The following PPP2R2B variants were observed in gnomAD, a reference collection of about 807,000 sequenced individuals.
The protein encoded by PPP2R2B is serine/threonine-protein phosphatase 2A 55 kDa regulatory subunit B beta isoform.
Under a neutral mutation model 46.0 loss-of-function variants are expected in PPP2R2B, and 5 were observed. That is an observed-to-expected ratio of 0.11 (90% CI 0.06 to 0.23). The LOEUF (loss-of-function observed/expected upper bound fraction) is 0.23. Ranked by LOEUF, PPP2R2B falls within the 10% of genes least tolerant of loss-of-function variation. The pLI, the probability that PPP2R2B is intolerant of heterozygous loss-of-function variation, is 1.00. For missense variants in PPP2R2B, 367 were observed against 575.0 expected, an observed-to-expected ratio of 0.64 and a Z score of 3.70; for synonymous variants, 215 against 206.7, an observed-to-expected ratio of 1.04 and a Z score of -0.34.
chr5:146,857,122 T>C (rs1314677430), intron 2 of PPP2R2B, among the ~76,000 whole-genome samples: 1 of 152,124 alleles, frequency 6.6e-6, no homozygotes, highest in African/African-American at 2.4e-5. Context: ...TAGGGTTTTA[T>C]GGTGCAGGGC....
chr5:146,955,074 T>G (rs192552552), intron 1 of PPP2R2B, among the ~76,000 whole-genome samples: 186 of 152,276 alleles, frequency 1.2e-3, no homozygotes, highest in African/African-American at 4.3e-3. Flanking sequence ...GGTTGAATTA[T>G]TTGGCCATTA....
At chr5:146,795,071 G>A (rs1366107388) in intron 2 of PPP2R2B, among the ~76,000 whole-genome samples, 1 of 152,010 alleles carries the variant, frequency 6.6e-6, no homozygotes, top group Non-Finnish European at 1.5e-5. Context: ...AAGAAAATGG[G>A]TTCTTAGTTG....
chr5:146,696,342 G>C (rs1779183030), intron 4 of PPP2R2B, among the ~76,000 whole-genome samples: 1 of 152,174 alleles, frequency 6.6e-6, no homozygotes, highest in Admixed American at 6.5e-5. Context: ...CTGACCTCAT[G>C]ATCTGCCCGC....
rs541816774 is a variant in PPP2R2B, at chr5:146,720,226, C to T, written c.71-19084G>A. On this transcript the variant is annotated intron_variant, in intron 2 of 9. Coordinates refer to ENST00000394411, the MANE Select transcript of PPP2R2B (RefSeq NM_181675.4). ...AGGTCATTTGTCAGCACTGCAAGTGCAAGTATGGAATGAAAAAACAGTCAA... is the reference window on the plus strand; with the variant it reads ...AGGTCATTTGTCAGCACTGCAAGTGTAAGTATGGAATGAAAAAACAGTCAA... Among the ~76,000 whole-genome samples, 10 of 152,272 alleles carry T rather than the reference C, an allele frequency of 6.6e-5. No homozygotes were observed. In the East Asian group the frequency reaches 1.9e-3, roughly 29 times the overall value.
rs73322118 is a variant in PPP2R2B, at chr5:146,762,225, A to G, written c.71-61083T>C. 9.3e-3 allele frequency among the ~76,000 whole-genome samples: 1,411 copies of G among 152,352 alleles called. 23 individuals are homozygous for G. The highest frequency in any genetic ancestry group is 0.032 in the African/African-American group (1,345 of 41,578). Reference sequence around the variant, plus strand: ...AAAAGAACAGTTTACTGCAGAATATAGAATAATCTTTCATAGATTTTAGGA... The same window carrying G: ...AAAAGAACAGTTTACTGCAGAATATGGAATAATCTTTCATAGATTTTAGGA... On this transcript the variant is annotated intron_variant, in intron 2 of 9. Transcript: ENST00000394411.
At chr5:146,676,508 T>C (rs1292608694) in intron 5 of PPP2R2B, among the ~76,000 whole-genome samples, 1 of 152,182 alleles carries the variant, frequency 6.6e-6, no homozygotes, top group Non-Finnish European at 1.5e-5. Context: ...TAGAACATTC[T>C]TTCTGCTCCT....
At chr5:146,821,490 C>T (rs1758259234) in intron 2 of PPP2R2B, among the ~76,000 whole-genome samples, 1 of 152,178 alleles carries the variant, frequency 6.6e-6, no homozygotes, top group South Asian at 2.1e-4. Context: ...TCACAATGTA[C>T]TAAGGTTTGC....
At chr5:146,874,083 T>C (rs1481455646) in intron 2 of PPP2R2B, among the ~76,000 whole-genome samples, 3 of 152,364 alleles carry the variant, frequency 2.0e-5, no homozygotes, top group Middle Eastern at 3.4e-3. Flanking sequence ...GTCCTTGAAC[T>C]CCCGATCTAA....
At chr5:147,075,010 C>A (rs1185094268) in intron 2 of PPP2R2B, among the ~76,000 whole-genome samples, 1 of 152,116 alleles carries the variant, frequency 6.6e-6, no homozygotes, top group South Asian at 2.1e-4. Context: ...AAACAAAGCA[C>A]CCTAGAATTG....
intron 1 of PPP2R2B, among the ~76,000 whole-genome samples, chr5:146,991,429 C>A (rs972376004): frequency 6.6e-6 from 1 of 151,870 alleles, no homozygotes; most frequent in Non-Finnish European, 1.5e-5. Flanking sequence ...GGATGGGAGG[C>A]GGGAGAGGAG....
At chr5:146,716,829 C>G (rs752987629) in intron 2 of PPP2R2B, among the ~76,000 whole-genome samples, 4 of 152,190 alleles carry the variant, frequency 2.6e-5, no homozygotes, top group Non-Finnish European at 5.9e-5. Context: ...AGGCATGACT[C>G]ATTTCTATTG....
intron 5 of PPP2R2B, among the ~76,000 whole-genome samples, chr5:146,689,078 T>A (rs558154374): frequency 1.3e-5 from 2 of 152,154 alleles, no homozygotes; most frequent in African/African-American, 4.8e-5. Context: ...CTCATATATA[T>A]AGGCCCACTA....
At chr5:146,829,631 A>T (rs995090179) in intron 2 of PPP2R2B, among the ~76,000 whole-genome samples, 1 of 152,206 alleles carries the variant, frequency 6.6e-6, no homozygotes, top group Non-Finnish European at 1.5e-5. Context: ...TAGAGACACC[A>T]TATAAAGAGT....
chr5:146,832,273 G>A (rs181335940), intron 2 of PPP2R2B, among the ~76,000 whole-genome samples: 1 of 151,632 alleles, frequency 6.6e-6, no homozygotes, highest in Non-Finnish European at 1.5e-5. Context: ...AATGTCCTTG[G>A]CCTTCACATT....
intron 2 of PPP2R2B, among the ~76,000 whole-genome samples, chr5:146,863,673 C>T (rs1761141191): frequency 6.6e-6 from 1 of 152,008 alleles, no homozygotes; most frequent in African/African-American, 2.4e-5. Context: ...TCCATCCATC[C>T]ATCCATCCAT....
intron 2 of PPP2R2B, among the ~76,000 whole-genome samples, chr5:146,722,830 A>G (rs1199757054): frequency 2.0e-5 from 3 of 152,244 alleles, no homozygotes; most frequent in Non-Finnish European, 4.4e-5. Context: ...TTCTTGTGAT[A>G]GAATATAATT....
chr5:146,734,661 C>T (rs753144523), intron 2 of PPP2R2B, among the ~76,000 whole-genome samples: 1 of 152,138 alleles, frequency 6.6e-6, no homozygotes, highest in African/African-American at 2.4e-5. Context: ...CTCTGTCTGT[C>T]CTCGTGAGAC....
rs148250962 is a variant in PPP2R2B, at chr5:146,927,986, C to T, written c.79+127679G>A. ...CCAACTCCTGACCTCGTGATCCACC[C>T]GCCTTGGCCTCCCAAAGTGCTGGGA... On this transcript the variant is annotated intron_variant, in intron 1 of 8. Coordinates refer to the PPP2R2B transcript ENST00000336640. 5.5e-3 allele frequency among the ~76,000 whole-genome samples: 840 copies of T among 152,192 alleles called. 8 individuals carry two copies. The highest frequency in any genetic ancestry group is 0.019 in the African/African-American group (778 of 41,536).
intron 5 of PPP2R2B, among the ~76,000 whole-genome samples, chr5:146,658,108 C>T (rs908606870): frequency 1.3e-5 from 2 of 152,152 alleles, no homozygotes; most frequent in Admixed American, 1.3e-4. Flanking sequence ...TTACTCAAAC[C>T]ACCCCTTTTG....
Sources: gnomAD v4.1 joint callset for allele counts (sites outside exome capture counted in the v4.1 genomes callset) on GRCh38, gnomAD v4.1.1 for gene constraint, MANE v1.5 for transcripts, NCBI Gene and HGNC (gene_info 2026-07-23, HGNC 2026-07-21) for gene names.